The following RBFOX1 variants were observed in gnomAD, a reference collection of about 807,000 sequenced individuals.
RBFOX1 encodes the protein RNA binding fox-1 homolog 1, also known as RNA binding protein fox-1 homolog 1.
Under a neutral mutation model 57.7 loss-of-function variants are expected in RBFOX1, and 8 were observed. The observed-to-expected ratio is 0.14, with a 90% CI of 0.08 to 0.25. The LOEUF (loss-of-function observed/expected upper bound fraction) is 0.25. Among genes scored for constraint, RBFOX1 ranks in the 10% least tolerant of loss-of-function variants. The pLI, the probability that RBFOX1 is intolerant of heterozygous loss-of-function variation, is 1.00. For synonymous variants in RBFOX1, 326 were observed against 222.4 expected, an observed-to-expected ratio of 1.47 and a Z score of -4.15; for missense variants, 611 against 548.5, an observed-to-expected ratio of 1.11 and a Z score of -1.14.
intron 4 of RBFOX1, among the ~76,000 whole-genome samples, chr16:7,466,477 C>A (rs998481310): frequency 2.6e-5 from 4 of 152,030 alleles, no homozygotes; most frequent in Non-Finnish European, 5.9e-5. Flanking sequence ...AAAAAGTCAC[C>A]CCAGGTCCTA....
At chr16:7,647,117 C>T (rs536315171) in intron 11 of RBFOX1, among the ~76,000 whole-genome samples, 44 of 152,182 alleles carry the variant, frequency 2.9e-4, no homozygotes, top group East Asian at 7.7e-4. Context: ...TCCATTTCAT[C>T]GAGTTCCATG....
chr16:7,253,377 A>G (rs923403507), intron 4 of RBFOX1, among the ~76,000 whole-genome samples: 2 of 151,984 alleles, frequency 1.3e-5, no homozygotes. Context: ...TTTTCACTCT[A>G]ACTGCTTTGC....
At chr16:6,983,168 C>G (rs986295823) in intron 3 of RBFOX1, among the ~76,000 whole-genome samples, 3 of 152,008 alleles carry the variant, frequency 2.0e-5, no homozygotes, top group Non-Finnish European at 4.4e-5. Flanking sequence ...GGATAGCACA[C>G]CAAGCCTCTA....
At chr16:6,438,294 G>T (rs2094290649) in intron 2 of RBFOX1, among the ~76,000 whole-genome samples, 1 of 152,160 alleles carries the variant, frequency 6.6e-6, no homozygotes. Context: ...ACCTGTGAAA[G>T]GTGTACTGTT....
intron 4 of RBFOX1, among the ~76,000 whole-genome samples, chr16:7,327,874 G>C (rs1372541852): frequency 6.6e-6 from 1 of 151,842 alleles, no homozygotes; most frequent in Non-Finnish European, 1.5e-5. Flanking sequence ...CCCTTCTGTG[G>C]ACTGGACTTG....
chr16:7,301,524 A>G (rs1266383850), intron 4 of RBFOX1, among the ~76,000 whole-genome samples: 1 of 152,222 alleles, frequency 6.6e-6, no homozygotes, highest in Non-Finnish European at 1.5e-5. Context: ...AGGGGTTCCA[A>G]CTTTGGGGAG....
At chr16:5,642,001 C>G (rs1345760934) in intron 3 of RBFOX1, among the ~76,000 whole-genome samples, 1 of 152,142 alleles carries the variant, frequency 6.6e-6, no homozygotes. Flanking sequence ...CGAGTGAGTT[C>G]TCAGGGGATA....
intron 3 of RBFOX1, among the ~76,000 whole-genome samples, chr16:6,764,963 A>G (rs1440039457): frequency 6.6e-6 from 1 of 152,020 alleles, no homozygotes; most frequent in Non-Finnish European, 1.5e-5. Flanking sequence ...AAAAGAAAAG[A>G]GTAAATTAAT....
chr16:7,139,176 C>CTCTCTCTCTCTCTCTCTGTGTGTGTG (rs372381673), intron 4 of RBFOX1, among the ~76,000 whole-genome samples: 13 of 145,908 alleles, frequency 8.9e-5, no homozygotes, highest in African/African-American at 3.3e-4. Flanking sequence ...CAATCTCTCT[C>CTCTCTCTCTCTCTCTCTGTGTGTGTG]TGTGTGTGTG....
intron 3 of RBFOX1, among the ~76,000 whole-genome samples, chr16:6,935,169 T>A (rs902588577): frequency 3.3e-5 from 5 of 152,188 alleles, no homozygotes; most frequent in Non-Finnish European, 7.3e-5. Flanking sequence ...CTGGCCTAAT[T>A]TTCCCATCAT....
chr16:7,172,008 A>G (rs1852994965), intron 4 of RBFOX1, among the ~76,000 whole-genome samples: 1 of 152,172 alleles, frequency 6.6e-6, no homozygotes, highest in Admixed American at 6.5e-5. Flanking sequence ...CTACATTCAC[A>G]GAGAGGCTGA....
chr16:7,247,260 C>G (rs1288184767), intron 4 of RBFOX1, among the ~76,000 whole-genome samples: 3 of 152,146 alleles, frequency 2.0e-5, no homozygotes, highest in Non-Finnish European at 2.9e-5. Flanking sequence ...GCCTTCAAGC[C>G]TTTAACCGCA....
chr16:5,394,976 C>T (rs1418046903), intron 1 of RBFOX1, among the ~76,000 whole-genome samples: 2 of 152,166 alleles, frequency 1.3e-5, no homozygotes, highest in Admixed American at 6.5e-5. Flanking sequence ...GATGGTGTTG[C>T]CCTCTGGCCT....
intron 1 of RBFOX1, among the ~76,000 whole-genome samples, chr16:5,387,994 G>T (rs1003483229): frequency 6.6e-6 from 1 of 152,184 alleles, no homozygotes; most frequent in Non-Finnish European, 1.5e-5. Flanking sequence ...AGGAATGCAG[G>T]TGGCCTCTAG....
In RBFOX1 at chr16:7,664,978, C is replaced by G. The variant is rs760762457; in HGVS notation, c.930+10C>G. 1 of 1,613,906 alleles carries G rather than the reference C, an allele frequency of 6.2e-7. No homozygotes were observed. Among genetic ancestry groups the G allele is most frequent in the Admixed American group, 1.7e-5 (1 of 60,012 alleles). Reference sequence around the variant, plus strand: ...TGGTGCAGACATTTATGTAAGTATTCATTCACGTGCATGCCATCCCCGTTT... The same window carrying G: ...TGGTGCAGACATTTATGTAAGTATTGATTCACGTGCATGCCATCCCCGTTT... On this transcript the variant is annotated intron_variant, in intron 13 of 15. Transcript: ENST00000550418.
intron 10 of RBFOX1, among the ~76,000 whole-genome samples, chr16:7,610,754 T>G (rs936551198): frequency 6.6e-6 from 1 of 152,250 alleles, no homozygotes; most frequent in Non-Finnish European, 1.5e-5. Context: ...CTGGCTGGCT[T>G]AAATCTGAAG....
intron 3 of RBFOX1, among the ~76,000 whole-genome samples, chr16:6,768,179 A>G (rs2077682422): frequency 6.6e-6 from 1 of 152,032 alleles, no homozygotes; most frequent in Non-Finnish European, 1.5e-5. Context: ...CCTGGGCAAT[A>G]GAGCTAGACT....
At chr16:6,514,225 G>A (rs1477088108) in intron 2 of RBFOX1, among the ~76,000 whole-genome samples, 1 of 152,110 alleles carries the variant, frequency 6.6e-6, no homozygotes, top group Non-Finnish European at 1.5e-5. Flanking sequence ...TGCTTAAAAG[G>A]ATGTTTAGAA....
At chr16:7,708,578 G>A (rs2083259754) in intron 14 of RBFOX1, among the ~76,000 whole-genome samples, 1 of 152,202 alleles carries the variant, frequency 6.6e-6, no homozygotes, top group South Asian at 2.1e-4. Flanking sequence ...TCCATTCTAA[G>A]ATGCTGGACA....
Sources: gnomAD v4.1 joint callset for allele counts (sites outside exome capture counted in the v4.1 genomes callset) on GRCh38, gnomAD v4.1.1 for gene constraint, MANE v1.5 for transcripts, NCBI Gene and HGNC (gene_info 2026-07-23, HGNC 2026-07-21) for gene names.